HAUS6: variants seen among roughly 807,000 people sequenced by gnomAD.
HAUS6 encodes HAUS augmin like complex subunit 6.
In HAUS6, 80 loss-of-function variants were observed where a neutral mutation model predicts 106.8. The ratio of observed to expected loss-of-function variants is 0.75; its 90% CI spans 0.63 to 0.90. The LOEUF (loss-of-function observed/expected upper bound fraction) is 0.90. Ranked by LOEUF, HAUS6 falls within the 40% of genes least tolerant of loss-of-function variation. HAUS6 has a pLI of 0.00. For synonymous variants in HAUS6, 356 were observed against 379.1 expected (o/e 0.94, Z 0.71); for missense variants, 1,155 against 1,118.1 (o/e 1.03, Z -0.47).
Position 19,102,638 on chromosome 9 carries a change from G to A in HAUS6, c.14C>T (p.Ser5Leu), listed in dbSNP as rs780643909. Residue 5 changes from serine to leucine, a missense_variant, in exon 1 of 17, where the codon TCG becomes TTG. Ser to Leu is a moderately radical substitution (Grantham distance 145). Coordinates refer to ENST00000380502, the MANE Select transcript of HAUS6 (RefSeq NM_017645.5). MSSA[S>L]VTAFEKEHLW... ...ATGCTCCTTCTCGAAAGCGGTGACCGAGGCCGAGCTCATCCTCGCGGTAGG... is the reference window on the plus strand; with the variant it reads ...ATGCTCCTTCTCGAAAGCGGTGACCAAGGCCGAGCTCATCCTCGCGGTAGG... 4.3e-6 allele frequency: 7 copies of A among 1,612,280 alleles called. No homozygotes were observed. The highest frequency in any genetic ancestry group is 1.7e-5 in the Admixed American group (1 of 59,858).
At chr9:19,069,391 T>A (rs1469893796) in intron 12 of HAUS6, among the ~76,000 whole-genome samples, 1 of 152,104 alleles carries the variant, frequency 6.6e-6, no homozygotes, top group Non-Finnish European at 1.5e-5. Flanking sequence ...TATTGTCCAG[T>A]TAAAAGGGCA....
At chr9:19,085,774 G>A (rs1394717337) in intron 7 of HAUS6, among the ~76,000 whole-genome samples, 1 of 151,944 alleles carries the variant, frequency 6.6e-6, no homozygotes, top group African/African-American at 2.4e-5. Context: ...TCTCCCTTCA[G>A]TTAATCCATT....
intron 7 of HAUS6, among the ~76,000 whole-genome samples, chr9:19,084,838 G>A (rs1837250760): frequency 6.6e-6 from 1 of 151,892 alleles, no homozygotes. Flanking sequence ...CACCATGTTG[G>A]CCAGGCTGGC....
At chr9:19,063,470 T>C in intron 13 of HAUS6, 44 bp downstream of exon 13, 1 of 933,696 alleles carries the variant, frequency 1.1e-6, no homozygotes, top group South Asian at 1.6e-5. Flanking sequence ...TATTTTATAA[T>C]TTAGTATGGT....
At chr9:19,100,129 G>C (rs958860995) in intron 1 of HAUS6, among the ~76,000 whole-genome samples, 1 of 152,214 alleles carries the variant, frequency 6.6e-6, no homozygotes, top group African/African-American at 2.4e-5. Flanking sequence ...GGGAGGCGGG[G>C]GTTGCAGTGA....
chr9:19,081,733 CCAGA>C (rs1393782850), intron 8 of HAUS6, among the ~76,000 whole-genome samples: 4 of 152,106 alleles, frequency 2.6e-5, no homozygotes, highest in African/African-American at 9.7e-5. Flanking sequence ...GCCACCATAC[CCAGA>C]CAGTTTCCAA....
chr9:19,069,769 G>C lies in HAUS6; in HGVS notation c.1376+450C>G, dbSNP rs954182290. Among the ~76,000 whole-genome samples, 5 of 151,978 alleles carry C rather than the reference G, an allele frequency of 3.3e-5. 1 individual carries two copies. Among genetic ancestry groups the C allele is most frequent in the Admixed American group, 1.3e-4 (2 of 15,254 alleles). On this transcript the variant is annotated intron_variant, in intron 12 of 16. Coordinates refer to ENST00000380502, the MANE Select transcript of HAUS6 (RefSeq NM_017645.5). ...AAGATTGGAAACTGGTTTAAGATGG[G>C]AATAAAATTAATATATAAAAAAATC...
At chr9:19,086,620 CAA>C (rs372363190) in intron 7 of HAUS6, 112 bp downstream of exon 7, 16,987 of 358,820 alleles carry the variant, frequency 0.047, no homozygotes, top group South Asian at 0.065. Context: ...ACTCCAACTC[CAA>C]AAAAAAAAAA....
At chr9:19,080,793 C>A in intron 8 of HAUS6, 121 bp from the exon 9 acceptor site, 1 of 625,800 alleles carries the variant, frequency 1.6e-6, no homozygotes, top group Non-Finnish European at 2.8e-6. Context: ...AAAGGCCAGA[C>A]GCAACGGCTC....
chr9:19,058,542 G>C lies in HAUS6; in HGVS notation c.2225C>G (p.Ser742Cys). 2 of 1,585,086 alleles carry C rather than the reference G, an allele frequency of 1.3e-6. No homozygotes were observed. Among genetic ancestry groups the C allele is most frequent in the Non-Finnish European group, 1.7e-6 (2 of 1,161,508 alleles). Residue 742 changes from serine (S) to cysteine (C), a missense_variant, in exon 16 of 17, where the codon TCT becomes TGT. Around this residue, in one of 3 missense-constraint regions of HAUS6, gnomAD observed 380 missense variants for 394.8 expected, o/e 0.96. Transcript: ENST00000380502. ...TTTATTTGTGGAAGGTTTGTTACAA[G>C]AAACTTCTAAGTGGTCCAATATTTT... ...FMKILDHLEVSCNKPSTNKTM... is the reference protein window; with the variant it reads ...FMKILDHLEVCCNKPSTNKTM...
chr9:19,093,579 T>G (rs1817800358), intron 3 of HAUS6, among the ~76,000 whole-genome samples: 1 of 152,110 alleles, frequency 6.6e-6, no homozygotes, highest in African/African-American at 2.4e-5. Flanking sequence ...ATAAAAGAAT[T>G]TGATCAGGGC....
chr9:19,095,240 G>C (rs907399569), intron 2 of HAUS6, among the ~76,000 whole-genome samples: 3 of 151,960 alleles, frequency 2.0e-5, no homozygotes, highest in Non-Finnish European at 2.9e-5. Context: ...AAAAATATTA[G>C]GGTTTAAAAT....
chr9:19,060,175 C>G lies in HAUS6; in HGVS notation c.1678G>C (p.Glu560Gln). ...SDSPQLSEGK[E>Q]IKLEELIDSL... ...TCAATTAGTTCCTCTAATTTTATTT[C>G]TTTTCCTTCAGAGAGCTGTGGTGAA... The change falls in exon 15 of 17, where the codon GAA becomes CAA. Residue 560 changes from glutamate to glutamine, a missense_variant. Glu to Gln is a conservative substitution (Grantham distance 29). Around this residue, in one of 3 missense-constraint regions of HAUS6, gnomAD observed 761 missense variants for 690.0 expected, o/e 1.10. Coordinates refer to ENST00000380502, the MANE Select transcript of HAUS6 (RefSeq NM_017645.5). The G allele has an allele frequency of 6.3e-7, 1 of 1,594,770 alleles. No individual in the cohort carries two copies. Among genetic ancestry groups the G allele is most frequent in the Non-Finnish European group, 8.5e-7 (1 of 1,171,022 alleles).
intron 11 of HAUS6, among the ~76,000 whole-genome samples, chr9:19,075,466 A>G (rs1453646251): frequency 6.6e-6 from 1 of 152,254 alleles, no homozygotes; most frequent in African/African-American, 2.4e-5. Context: ...AAAATACTGC[A>G]CATGTGGTGC....
At chr9:19,080,787 G>T in intron 8 of HAUS6, 115 bp from the exon 9 acceptor site, 3 of 654,532 alleles carry the variant, frequency 4.6e-6, no homozygotes, top group Non-Finnish European at 7.8e-6. Flanking sequence ...AGAGGGAAAG[G>T]CCAGACGCAA....
intron 12 of HAUS6, among the ~76,000 whole-genome samples, chr9:19,066,989 A>G (rs1386706957): frequency 6.6e-6 from 1 of 151,828 alleles, no homozygotes; most frequent in Non-Finnish European, 1.5e-5. Flanking sequence ...CCTGGGTAGC[A>G]GAGCAAGTCC....
chr9:19,087,479 A>C (rs977881048), intron 5 of HAUS6, among the ~76,000 whole-genome samples: 2 of 152,234 alleles, frequency 1.3e-5, no homozygotes, highest in Non-Finnish European at 2.9e-5. Flanking sequence ...CATTTCAGTT[A>C]ATTTCAAAGG....
At position 19,102,357 on chromosome 9, in the gene HAUS6, C is replaced by T. The variant is rs534302445; in HGVS notation, c.128+167G>A. Among the ~76,000 whole-genome samples, 10 of 152,364 alleles carry T rather than the reference C, an allele frequency of 6.6e-5. No homozygotes were observed. The South Asian group carries it at 2.1e-3, about 32-fold the overall frequency. Reference sequence around the variant, plus strand: ...TTGCATTATTTACTGTCTGTCTCTGCCCCTAGGCTGGCAGCAACTGGGAGT... The same window carrying T: ...TTGCATTATTTACTGTCTGTCTCTGTCCCTAGGCTGGCAGCAACTGGGAGT... On this transcript the variant is annotated intron_variant, in intron 1 of 16. Transcript: ENST00000380502.
intron 9 of HAUS6, among the ~76,000 whole-genome samples, chr9:19,079,933 G>C (rs1837101610): frequency 6.7e-6 from 1 of 150,328 alleles, no homozygotes; most frequent in South Asian, 2.1e-4. Flanking sequence ...CCAGCACTTT[G>C]GGAGGCCGAG....
Sources: gnomAD v4.1 joint callset for allele counts (sites outside exome capture counted in the v4.1 genomes callset) on GRCh38, gnomAD v4.1.1 for gene constraint, gnomAD v4.1.1 regional missense constraint, MANE v1.5 for transcripts, NCBI Gene and HGNC (gene_info 2026-07-23, HGNC 2026-07-21) for gene names.